RFX8: variants seen among roughly 807,000 people sequenced by gnomAD.
RFX8 encodes the protein DNA-binding protein RFX8.
In RFX8, 46 loss-of-function variants were observed where a neutral mutation model predicts 54.6. That is an observed-to-expected ratio of 0.84 (90% CI 0.67 to 1.08). The LOEUF is 1.08. Among genes scored for constraint, RFX8 ranks in the 50% least tolerant of loss-of-function variants. The pLI is 0.00. For missense variants in RFX8, 536 were observed against 562.3 expected (o/e 0.95, Z 0.47); for synonymous variants, 192 against 209.5 (o/e 0.92, Z 0.72).
Position 101,418,846 on chromosome 2 carries a change from C to T in RFX8, c.351+5G>A. 5 of 1,533,568 alleles carry T rather than the reference C, an allele frequency of 3.3e-6. No homozygotes were observed. Among genetic ancestry groups the T allele is most frequent in the Non-Finnish European group, 8.8e-7 (1 of 1,130,440 alleles). The allele number at this position is 1,533,568 out of a possible 1,614,324, so 95.0% of individuals were successfully genotyped here. On this transcript the variant is annotated splice_donor_5th_base_variant and intron_variant, in intron 5 of 11. Transcript: ENST00000428343. The stretch of plus-strand genomic sequence containing the variant: ...TATACTCTAGAGACTCACGCGTCCT[C>T]CTACCTTGTACAGCTGGACGTCGTA...
intron 2 of RFX8, among the ~76,000 whole-genome samples, chr2:101,447,844 T>G (rs1688473695): frequency 6.6e-6 from 1 of 152,222 alleles, no homozygotes; most frequent in African/African-American, 2.4e-5. Flanking sequence ...CTCTCTCCTA[T>G]GAGTGAGAAC....
At chr2:101,465,080 T>G (rs569737480) in intron 2 of RFX8, among the ~76,000 whole-genome samples, 1 of 152,176 alleles carries the variant, frequency 6.6e-6, no homozygotes, top group South Asian at 2.1e-4. Context: ...TCCCAGCTAC[T>G]GGGAAAAGCT....
chr2:101,402,537 C>T lies in RFX8; in HGVS notation c.1144G>A (p.Val382Met). ...CCCTGGCCCATGTGTGTGGGCATCA[C>T]CCCCAGTGGCTCCATGCTGGGGCTG... Reference protein sequence around the residue: ...CASPSMEPLGVMPTHMGQGRY... With the variant: ...CASPSMEPLGMMPTHMGQGRY... The change falls in exon 11 of 12, where the codon GTG becomes ATG. Residue 382 changes from valine to methionine, a missense_variant. Coordinates refer to ENST00000428343, the MANE Select transcript of RFX8 (RefSeq NM_001145664.2). The T allele has an allele frequency of 1.3e-6, 2 of 1,551,764 alleles. No individual in the cohort carries two copies. The highest frequency in any genetic ancestry group is 2.4e-5 in the East Asian group (1 of 40,914).
At chr2:101,469,137 A>T (rs75702449) in intron 1 of RFX8, among the ~76,000 whole-genome samples, 4 of 117,030 alleles carry the variant, frequency 3.4e-5, no homozygotes, top group Admixed American at 8.9e-5. Flanking sequence ...TATATATATA[A>T]GTATATATAT....
chr2:101,411,636 A>C (rs1558843713), intron 8 of RFX8, among the ~76,000 whole-genome samples: 1 of 152,140 alleles, frequency 6.6e-6, no homozygotes, highest in African/African-American at 2.4e-5. Context: ...ACTAATCAGA[A>C]TTAGTAATCC....
chr2:101,416,117 G>A (rs1686491608), intron 6 of RFX8, among the ~76,000 whole-genome samples: 1 of 152,164 alleles, frequency 6.6e-6, no homozygotes, highest in South Asian at 2.1e-4. Context: ...CATCTGGGCA[G>A]TGGAGGCCAG....
At chr2:101,406,847 T>C (rs991876954) in intron 9 of RFX8, among the ~76,000 whole-genome samples, 3 of 152,150 alleles carry the variant, frequency 2.0e-5, no homozygotes, top group Non-Finnish European at 2.9e-5. Context: ...TTGGAAAAGC[T>C]GGTCGTCATG....
intron 2 of RFX8, among the ~76,000 whole-genome samples, chr2:101,445,347 A>G (rs1277192975): frequency 6.6e-6 from 1 of 151,914 alleles, no homozygotes; most frequent in Non-Finnish European, 1.5e-5. Flanking sequence ...TGTCTCAGGG[A>G]GGCCTCTCCA....
At chr2:101,449,433 G>A (rs1470965388) in intron 2 of RFX8, among the ~76,000 whole-genome samples, 1 of 152,088 alleles carries the variant, frequency 6.6e-6, no homozygotes, top group East Asian at 1.9e-4. Context: ...AGGAGATATG[G>A]GTTACCAAAA....
chr2:101,466,949 G>C (rs924068228), intron 1 of RFX8, 49 bp from the exon 2 acceptor site: 3 of 807,878 alleles, frequency 3.7e-6, no homozygotes, highest in Non-Finnish European at 6.2e-6. Context: ...TGTTTTTCTA[G>C]AGCAAAATAT....
intron 7 of RFX8, 70 bp from the exon 8 acceptor site, chr2:101,413,141 A>G (rs949314414): frequency 1.8e-5 from 23 of 1,300,488 alleles, no homozygotes; most frequent in African/African-American, 1.6e-4. Context: ...CTCTCCCCCA[A>G]ATTGCCAAGA....
intron 8 of RFX8, among the ~76,000 whole-genome samples, chr2:101,411,819 T>A (rs1345991634): frequency 6.6e-6 from 1 of 151,992 alleles, no homozygotes; most frequent in Non-Finnish European, 1.5e-5. Flanking sequence ...TAGGGATATA[T>A]TTTAGTATTT....
chr2:101,448,373 G>A (rs192031054), intron 2 of RFX8, among the ~76,000 whole-genome samples: 1 of 152,222 alleles, frequency 6.6e-6, no homozygotes, highest in East Asian at 1.9e-4. Context: ...TGTACAGGAC[G>A]AAGCCCATGC....
At position 101,405,952 on chromosome 2, in the gene RFX8, C is replaced by G; in HGVS notation, c.919G>C (p.Asp307His). The change falls in exon 10 of 12, where the codon GAT becomes CAT. Residue 307 changes from aspartate (D) to histidine (H), a missense_variant. Physicochemically the swap from Asp to His is moderately conservative, Grantham distance 81. Transcript: ENST00000428343. ...VSKAMTLCHRDSFGSWHLFHL... is the reference protein window; with the variant it reads ...VSKAMTLCHRHSFGSWHLFHL... ...TTATTCTCTGACTTACCAAAACTAT[C>G]TCTGTGGCAGAGGGTCATGGCTTTG... 3 of 1,525,526 alleles carry G rather than the reference C, an allele frequency of 2.0e-6. No individual in the cohort carries two copies. Among genetic ancestry groups the G allele is most frequent in the Non-Finnish European group, 2.6e-6 (3 of 1,133,970 alleles). 94.5% of individuals were successfully genotyped at this position (1,525,526 alleles called of 1,614,324 possible).
intron 1 of RFX8, among the ~76,000 whole-genome samples, chr2:101,467,579 G>C (rs955358460): frequency 6.6e-6 from 1 of 152,220 alleles, no homozygotes; most frequent in Non-Finnish European, 1.5e-5. Context: ...AGCACAGAGC[G>C]AATGCAGCAG....
intron 6 of RFX8, 39 bp from the exon 7 acceptor site, chr2:101,414,951 T>C (rs939602722): frequency 4.1e-6 from 6 of 1,473,948 alleles, no homozygotes; most frequent in Admixed American, 3.9e-5. Context: ...ATACAATAAC[T>C]TCAAGTTCTC....
chr2:101,471,497 T>G (rs913369117), intron 1 of RFX8, among the ~76,000 whole-genome samples: 2 of 152,320 alleles, frequency 1.3e-5, no homozygotes, highest in Admixed American at 1.3e-4. Context: ...CAGAAATTTG[T>G]AAAAGTCTAT....
chr2:101,469,217 C>T (rs897909281), intron 1 of RFX8, among the ~76,000 whole-genome samples: 2 of 148,420 alleles, frequency 1.3e-5, no homozygotes, highest in Non-Finnish European at 3.0e-5. Flanking sequence ...TGCAGTGGTG[C>T]AATCATAGCT....
chr2:101,455,068 T>C (rs1350750907), intron 2 of RFX8, among the ~76,000 whole-genome samples: 1 of 151,620 alleles, frequency 6.6e-6, no homozygotes, highest in Non-Finnish European at 1.5e-5. Flanking sequence ...TGGAGTGCAA[T>C]GGCACAATCT....
Sources: gnomAD v4.1 joint callset for allele counts (sites outside exome capture counted in the v4.1 genomes callset) on GRCh38, gnomAD v4.1.1 for gene constraint, MANE v1.5 for transcripts, NCBI Gene and HGNC (gene_info 2026-07-23, HGNC 2026-07-21) for gene names.